The following HERC2 variants were observed in gnomAD, a reference collection of about 807,000 sequenced individuals.
HERC2 encodes the protein E3 ubiquitin-protein ligase HERC2.
In HERC2, 102 loss-of-function variants were observed where a neutral mutation model predicts 537.7. The ratio of observed to expected loss-of-function variants is 0.19; its 90% CI spans 0.16 to 0.22. HERC2 has a LOEUF of 0.22. HERC2 is among the 10% of genes least tolerant of loss of function. The pLI is 1.00. For missense variants in HERC2, 4,236 were observed against 6,198.2 expected, an observed-to-expected ratio of 0.68 and a Z score of 10.63; for synonymous variants, 2,224 against 2,466.2, an observed-to-expected ratio of 0.90 and a Z score of 2.91.
At chr15:28,255,572 G>A (rs2075233114) in intron 19 of HERC2, among the ~76,000 whole-genome samples, 1 of 152,116 alleles carries the variant, frequency 6.6e-6, no homozygotes, top group African/African-American at 2.4e-5. Context: ...TCAGGGCAGG[G>A]GAGTATCCTG....
At chr15:28,224,149 C>CACACACACACACACA (rs1321759830) in intron 35 of HERC2, among the ~76,000 whole-genome samples, 1,985 of 133,022 alleles carry the variant, frequency 0.015, 28 homozygotes, top group South Asian at 0.019. Context: ...ACACACACAC[C>CACACACACACACACA]CACACACACA....
chr15:28,217,213 C>T lies in HERC2; in HGVS notation c.6028+1276G>A, dbSNP rs531476264. ...TCTCATTCGCACACCCAGTAATCCC[C>T]TCACACTCACTCATGCCTCCCTCAT... On this transcript the variant is annotated intron_variant, in intron 38 of 92. Transcript: ENST00000261609. Among the ~76,000 whole-genome samples the T allele has an allele frequency of 4.6e-3, 693 of 151,380 alleles. 5 individuals are homozygous for T. Among genetic ancestry groups the T allele is most frequent in the African/African-American group, 0.016 (647 of 40,778 alleles).
In HERC2 at chr15:28,177,923, T is replaced by A. The variant is rs1425538850; in HGVS notation, c.9164-414A>T. Reference sequence around the variant, plus strand: ...AAATTATTCAATCATTTGCGATTAATGCAATATATTCACTCTTCCCAAAAC... The same window carrying A: ...AAATTATTCAATCATTTGCGATTAAAGCAATATATTCACTCTTCCCAAAAC... On this transcript the variant is annotated intron_variant, in intron 59 of 92. Coordinates refer to ENST00000261609, the MANE Select transcript of HERC2 (RefSeq NM_004667.6). This position sits in a 1 kb window ranked among gnomAD's most constrained non-coding sequence, Gnocchi z 5.0. 6.6e-6 allele frequency among the ~76,000 whole-genome samples: 1 copy of A among 152,208 alleles called. No homozygotes were observed. Among genetic ancestry groups the A allele is most frequent in the Non-Finnish European group, 1.5e-5 (1 of 68,040 alleles).
chr15:28,315,864 A>G, intron 2 of HERC2: 1 of 517,954 alleles, frequency 1.9e-6, no homozygotes, highest in Non-Finnish European at 3.7e-6. Context: ...ACTGCATGCC[A>G]CTGTCTAGAG....
intron 10 of HERC2, among the ~76,000 whole-genome samples, chr15:28,270,297 T>C (rs1300595380): frequency 2.0e-5 from 3 of 149,778 alleles, no homozygotes; most frequent in African/African-American, 4.9e-5. Context: ...AATATAGATA[T>C]ATAATATATA....
In HERC2 at chr15:28,270,726, G is replaced by A. The variant is rs185860718; in HGVS notation, c.1226C>T (p.Pro409Leu). ...AGATGTCGGAGAGCTACACAGCGGA[G>A]GCATACAGGGCGTAGCCAGACGGTC... ...HLDRLATPCM[P>L]PLCSSPTSHK... Residue 409 changes from proline to leucine, a missense_variant, in exon 10 of 93, where the codon CCT becomes CTT. Coordinates refer to ENST00000261609, the MANE Select transcript of HERC2 (RefSeq NM_004667.6). The A allele has an allele frequency of 2.0e-5, 32 of 1,613,952 alleles. No homozygotes were observed. The highest frequency in any genetic ancestry group is 2.6e-5 in the Non-Finnish European group (31 of 1,179,858).
chr15:28,115,359 CG>C, intron 89 of HERC2, 69 bp downstream of exon 89: 6 of 1,029,914 alleles, frequency 5.8e-6, no homozygotes, highest in Non-Finnish European at 8.7e-6. Flanking sequence ...ACAGCCTGAC[CG>C]GACCCGCAGA....
intron 2 of HERC2, among the ~76,000 whole-genome samples, chr15:28,317,641 G>A (rs1596475021): frequency 6.6e-6 from 1 of 152,244 alleles, no homozygotes; most frequent in African/African-American, 2.4e-5. Context: ...GTTGTCAGGA[G>A]TTAGAGATGG....
rs761035887 is a variant in HERC2 at position 28,229,523 on chromosome 15, G to C, written c.5057C>G (p.Pro1686Arg). The C allele has an allele frequency of 1.2e-6, 2 of 1,613,788 alleles. No individual in the cohort carries two copies. The highest frequency in any genetic ancestry group is 1.7e-5 in the Admixed American group (1 of 60,026). Residue 1686 changes from proline to arginine, a missense_variant, in exon 33 of 93, where the codon CCA becomes CGA. Physicochemically the swap from Pro to Arg is moderately radical, Grantham distance 103 (BLOSUM62 -2). Coordinates refer to ENST00000261609, the MANE Select transcript of HERC2 (RefSeq NM_004667.6). ...LKLASKNFLL[P>R]SVQYAMFCGW... is the part of the protein sequence containing the mutation. The stretch of plus-strand genomic sequence containing the variant: ...ACAAAACATCGCATACTGCACAGAT[G>C]GAAGTAAGAAATTCTTGCTCGCCAG...
chr15:28,299,923 G>A (rs541111046), intron 2 of HERC2, among the ~76,000 whole-genome samples: 42 of 151,922 alleles, frequency 2.8e-4, no homozygotes, highest in Middle Eastern at 6.8e-3. Flanking sequence ...CGTGGTGGCG[G>A]GCGCCTGTAA....
chr15:28,144,072 T>C lies in HERC2; in HGVS notation c.11299+5A>G, dbSNP rs749881360. 1.7e-5 allele frequency: 27 copies of C among 1,613,966 alleles called. No homozygotes were observed. Among genetic ancestry groups the C allele is most frequent in the Non-Finnish European group, 1.9e-5 (23 of 1,180,038 alleles). On this transcript the variant is annotated splice_donor_5th_base_variant and intron_variant, in intron 73 of 92. Coordinates refer to ENST00000261609, the MANE Select transcript of HERC2 (RefSeq NM_004667.6). The stretch of plus-strand genomic sequence containing the variant: ...GACAGATGTAACTGTAATGGTGGCA[T>C]TTACCTAGGGCACTCAGCTGTGCAC...
intron 65 of HERC2, among the ~76,000 whole-genome samples, chr15:28,169,916 T>C (rs750344246): frequency 3.9e-5 from 6 of 152,354 alleles, no homozygotes; most frequent in Non-Finnish European, 8.8e-5. Context: ...CTTACAACAG[T>C]TTATGTTATA....
At chr15:28,287,720 T>C (rs1164535143) in intron 4 of HERC2, among the ~76,000 whole-genome samples, 3 of 72,968 alleles carry the variant, frequency 4.1e-5, no homozygotes, top group African/African-American at 2.7e-4. Flanking sequence ...CTTATTCCTC[T>C]TTTTTTTTTT....
At chr15:28,310,479 T>A (rs906551279) in intron 2 of HERC2, among the ~76,000 whole-genome samples, 5 of 151,960 alleles carry the variant, frequency 3.3e-5, no homozygotes, top group African/African-American at 1.2e-4. Flanking sequence ...AAAATTAAAA[T>A]AATATAAAAA....
At chr15:28,298,325 T>C (rs1296756268) in intron 3 of HERC2, among the ~76,000 whole-genome samples, 1 of 149,186 alleles carries the variant, frequency 6.7e-6, no homozygotes, top group East Asian at 2.2e-4. Context: ...GGCTAATTTT[T>C]GTATTTTTTA....
Position 28,174,566 on chromosome 15 carries a change from C to A in HERC2, c.9886G>T (p.Val3296Phe). 6.2e-7 allele frequency: 1 copy of A among 1,613,714 alleles called. No individual in the cohort carries two copies. The highest frequency in any genetic ancestry group is 8.5e-7 in the Non-Finnish European group (1 of 1,179,878). ...HGQQGNGTTT[V>F]NRKPTLVQGL... The stretch of plus-strand genomic sequence containing the variant: ...TGCACGAGTGTGGGCTTCCTGTTAA[C>A]CGTGGTCGTGCCATTGCCCTGCTGG... Residue 3296 changes from valine (V) to phenylalanine (F), a missense_variant, in exon 65 of 93, where the codon GTT (valine) becomes TTT (phenylalanine). Around this residue, in one of 27 missense-constraint regions of HERC2, gnomAD observed 93 missense variants for 265.1 expected, o/e 0.35. Transcript: ENST00000261609.
At chr15:28,143,051 A>G (rs961148323) in intron 74 of HERC2, 99 bp from the exon 75 acceptor site, 82 of 1,126,236 alleles carry the variant, frequency 7.3e-5, no homozygotes, top group Admixed American at 1.4e-4. Flanking sequence ...GTTGGTACTA[A>G]CTCTTCTAAA....
At position 28,268,562 on chromosome 15, in the gene HERC2, G is replaced by A; in HGVS notation, c.1501C>T (p.His501Tyr). ...ASRNIVKIAAHSDGHHYLALA... is the reference protein window; with the variant it reads ...ASRNIVKIAAYSDGHHYLALA... ...GCTAGGTAGTGGTGACCATCAGAAT[G>A]GGCAGCAATTTTTACAATGTTTCTG... is the stretch of plus-strand genomic sequence containing the variant. The change falls in exon 12 of 93, where the codon CAT becomes TAT. Residue 501 changes from histidine to tyrosine, a missense_variant. Transcript: ENST00000261609. This position sits in a 1 kb window ranked among gnomAD's most constrained non-coding sequence, Gnocchi z 4.7. 1 of 1,614,060 alleles carries A rather than the reference G, an allele frequency of 6.2e-7. No homozygotes were observed. The highest frequency in any genetic ancestry group is 8.5e-7 in the Non-Finnish European group (1 of 1,179,942).
rs540639266 is a variant in HERC2 at position 28,177,032 on chromosome 15, C to A, written c.9350G>T (p.Ser3117Ile). 1 of 1,614,156 alleles carries A rather than the reference C, an allele frequency of 6.2e-7. No individual in the cohort carries two copies. The highest frequency in any genetic ancestry group is 1.1e-5 in the South Asian group (1 of 91,078). Residue 3117 changes from serine to isoleucine, a missense_variant, in exon 61 of 93, where the codon AGC (serine) becomes ATC (isoleucine). Transcript: ENST00000261609. The surrounding 1 kb of genome is among the most constrained non-coding windows in gnomAD (Gnocchi z 5.0). ...GAGGCCCCAGGTGTACAGTTCTCCG[C>A]TGGATGTGAGGGCTGCGCTGTGCGA... ...GSSHSAALTS[S>I]GELYTWGLGE...
Sources: gnomAD v4.1 joint callset for allele counts (sites outside exome capture counted in the v4.1 genomes callset) on GRCh38, gnomAD v4.1.1 for gene constraint, gnomAD v4.1.1 regional missense constraint, Gnocchi (gnomAD v3.1) non-coding constraint, MANE v1.5 for transcripts, NCBI Gene and HGNC (gene_info 2026-07-23, HGNC 2026-07-21) for gene names.